CEP290: variants seen among roughly 807,000 people sequenced by gnomAD.
CEP290 encodes centrosomal protein of 290 kDa.
Under a neutral mutation model 344.9 loss-of-function variants are expected in CEP290, and 317 were observed. The observed-to-expected ratio is 0.92, with a 90% CI of 0.84 to 1.01. The LOEUF (loss-of-function observed/expected upper bound fraction) is 1.01. CEP290 is among the 50% of genes least tolerant of loss of function. The probability of loss-of-function intolerance (pLI) is 0.00; values close to 1 mark genes in which losing one functional copy is unlikely to be tolerated. For synonymous variants in CEP290, 932 were observed against 895.8 expected (o/e 1.04, Z -0.72); for missense variants, 2,754 against 2,761.4 (o/e 1.00, Z 0.06).
At chr12:88,103,921 C>G (rs896451031) in intron 25 of CEP290, 2 of 152,040 alleles carry the variant, frequency 1.3e-5, no homozygotes, top group African/African-American at 4.8e-5. Flanking sequence ...AGATGAGATT[C>G]TATTTCCCAT....
intron 41 of CEP290, among the ~76,000 whole-genome samples, chr12:88,072,626 C>G (rs2035466705): frequency 6.6e-6 from 1 of 152,112 alleles, no homozygotes; most frequent in Admixed American, 6.5e-5. Context: ...TACAAACGAC[C>G]AACCTCATCT....
rs2037999495 is a variant in CEP290, at chr12:88,102,883, T to A, written c.2946A>T (p.Lys982Asn). Residue 982 changes from lysine (K) to asparagine (N), a missense_variant, in exon 26 of 54, where the codon AAA (lysine) becomes AAT (asparagine). Physicochemically the swap from Lys to Asn is moderately conservative, Grantham distance 94. Coordinates refer to ENST00000552810, the MANE Select transcript of CEP290 (RefSeq NM_025114.4). ...TTGTTCTTTGAACAAGCATATTATC[T>A]TTTTGCAAGATGTCCCTGTACTTAG... ...LTAKYRDILQKDNMLVQRTSN... is the reference protein window; with the variant it reads ...LTAKYRDILQNDNMLVQRTSN... The A allele has an allele frequency of 6.2e-7, 1 of 1,611,322 alleles. No individual in the cohort carries two copies. Among genetic ancestry groups the A allele is most frequent in the Non-Finnish European group, 8.5e-7 (1 of 1,178,722 alleles).
At chr12:88,075,958 G>C (rs573443022) in intron 41 of CEP290, among the ~76,000 whole-genome samples, 1 of 152,238 alleles carries the variant, frequency 6.6e-6, no homozygotes, top group East Asian at 1.9e-4. Flanking sequence ...CTTTAAGGAG[G>C]AATAAACTGA....
intron 15 of CEP290, among the ~76,000 whole-genome samples, chr12:88,119,233 T>C (rs1265828132): frequency 2.0e-5 from 3 of 152,214 alleles, no homozygotes; most frequent in African/African-American, 7.2e-5. Context: ...CTTTAGATAA[T>C]AGTTTTTACA....
rs927217751 is a variant in CEP290, at chr12:88,141,185, T to C, written c.102+21A>G. 5 of 1,516,756 alleles carry C rather than the reference T, an allele frequency of 3.3e-6. No individual in the cohort carries two copies. In the African/African-American group the frequency reaches 5.6e-5, roughly 17 times the overall value. The allele number at this position is 1,516,756 out of a possible 1,614,324, so 94.0% of individuals were successfully genotyped here. A position where few individuals can be genotyped will look rare whatever the true frequency, so the allele number is the denominator to read the frequency against. ...ATCATAAGTTAATGTATATATCTAT[T>C]ATTATTGACCAATTAAGCACCTTGG... On this transcript the variant is annotated intron_variant, in intron 2 of 53. Coordinates refer to ENST00000552810, the MANE Select transcript of CEP290 (RefSeq NM_025114.4).
chr12:88,050,384 T>A lies in CEP290; in HGVS notation c.7179A>T (p.Lys2393Asn). 6.4e-7 allele frequency: 1 copy of A among 1,561,754 alleles called. No homozygotes were observed. The highest frequency in any genetic ancestry group is 8.8e-7 in the Non-Finnish European group (1 of 1,141,698). The change falls in exon 53 of 54, where the codon AAA becomes AAT. Residue 2393 changes from lysine (K) to asparagine (N), a missense_variant. Transcript: ENST00000552810. Reference protein sequence around the residue: ...EKIKDLETQLKMSDLEKQHLK... With the variant: ...EKIKDLETQLNMSDLEKQHLK... The stretch of plus-strand genomic sequence containing the variant: ...AATGCTGCTTTTCTAGATCTGACAT[T>A]TTGAGCTGTGTCTCTAGATCTTTTA...
In CEP290 at chr12:88,090,797, A is replaced by C. The variant is rs1565849296; in HGVS notation, c.3504T>G (p.Ile1168Met). Residue 1168 changes from isoleucine (I) to methionine (M), a missense_variant, in exon 30 of 54, where the codon ATT becomes ATG. By Grantham distance (10) the Ile-to-Met change is conservative (BLOSUM62 1). Coordinates refer to ENST00000552810, the MANE Select transcript of CEP290 (RefSeq NM_025114.4). ...CCCTAGATTGTTGTTGTGCATTCAA[A>C]ATTTCAACTTGTCTTCTGGCAATAT... ...ISDIARRQVE[I>M]LNAQQQSRDK... 1 of 1,561,452 alleles carries C rather than the reference A, an allele frequency of 6.4e-7. No individual in the cohort carries two copies. The highest frequency in any genetic ancestry group is 8.7e-7 in the Non-Finnish European group (1 of 1,150,922).
chr12:88,134,857 T>C (rs2040268657), intron 6 of CEP290, among the ~76,000 whole-genome samples: 1 of 152,212 alleles, frequency 6.6e-6, no homozygotes, highest in Non-Finnish European at 1.5e-5. Context: ...CTCTTACCTC[T>C]AGGTCTTAGC....
intron 41 of CEP290, among the ~76,000 whole-genome samples, chr12:88,072,571 C>T (rs55978118): frequency 0.049 from 7,503 of 152,220 alleles, 628 homozygotes; most frequent in African/African-American, 0.17. Context: ...AATGAAGATT[C>T]TAATACAATC....
intron 37 of CEP290, among the ~76,000 whole-genome samples, chr12:88,081,421 A>G (rs536034190): frequency 1.3e-5 from 2 of 152,332 alleles, no homozygotes; most frequent in South Asian, 2.1e-4. Context: ...AATTCAATTA[A>G]TCTTATTGCT....
rs759155873 is a variant in CEP290, at chr12:88,068,648, A to G, written c.6012-3T>C. The G allele has an allele frequency of 6.3e-7, 1 of 1,592,934 alleles. No individual in the cohort carries two copies. Among genetic ancestry groups the G allele is most frequent in the Non-Finnish European group, 8.5e-7 (1 of 1,173,122 alleles). On this transcript the variant is annotated splice_polypyrimidine_tract_variant and splice_region_variant and intron_variant, in intron 43 of 53. Transcript: ENST00000552810. ...CTCGAGGAAGAGCTTGGTGGGCCCT[A>G]TGAACAACAATCACAGACTCTTTAC... is the stretch of plus-strand genomic sequence containing the variant.
At chr12:88,105,616 C>T (rs549948462) in intron 25 of CEP290, among the ~76,000 whole-genome samples, 90 of 152,306 alleles carry the variant, frequency 5.9e-4, no homozygotes, top group African/African-American at 2.1e-3. Flanking sequence ...CAATCATCAG[C>T]AGATGCTAAA....
rs2036425750 is a variant in CEP290, at chr12:88,084,484, T to C, written c.4704+102A>G. The C allele has an allele frequency of 2.8e-6, 3 of 1,075,058 alleles. No homozygotes were observed. The Admixed American group carries it at 6.9e-5, about 25-fold the overall frequency. 66.6% of individuals were successfully genotyped at this position (1,075,058 alleles called of 1,614,324 possible). On this transcript the variant is annotated intron_variant, in intron 35 of 53. Coordinates refer to ENST00000552810, the MANE Select transcript of CEP290 (RefSeq NM_025114.4). ...AGTAACAATTCTTAAATAGAATCATTTGAAAGCAAGAAAAGAAATACCACT... is the reference window on the plus strand; with the variant it reads ...AGTAACAATTCTTAAATAGAATCATCTGAAAGCAAGAAAAGAAATACCACT...
At chr12:88,114,620 G>T (rs998605765) in intron 19 of CEP290, 58 bp from the exon 20 acceptor site, 1 of 1,316,934 alleles carries the variant, frequency 7.6e-7, no homozygotes, top group Non-Finnish European at 1.0e-6. Flanking sequence ...TTTACACTAT[G>T]CTATACAGAT....
chr12:88,106,620 C>T, intron 25 of CEP290, 55 bp downstream of exon 25: 2 of 1,138,832 alleles, frequency 1.8e-6, no homozygotes, highest in Middle Eastern at 4.0e-4. Flanking sequence ...ATCCTATCTT[C>T]TGCATATTTG....
chr12:88,120,162 T>A lies in CEP290; in HGVS notation c.1474A>T (p.Lys492Ter), dbSNP rs1278679056. Residue 492 changes from lysine (K) to a stop codon, truncating the protein, a stop_gained, in exon 15 of 54, where the codon AAG becomes TAG. Transcript: ENST00000552810. LOFTEE classifies it high-confidence loss of function. ...LTKEINKLEL[K>*]ISDFLDENEA... ...TTTTCATCAAGGAAATCACTGATCT[T>A]CAATTCAAGTTTATTGATTTCCTTT... The A allele has an allele frequency of 1.3e-6, 2 of 1,540,382 alleles. No individual in the cohort carries two copies. The highest frequency in any genetic ancestry group is 2.7e-5 in the African/African-American group (2 of 72,814).
intron 26 of CEP290, among the ~76,000 whole-genome samples, chr12:88,100,165 G>A (rs1002905261): frequency 6.6e-6 from 1 of 151,690 alleles, no homozygotes; most frequent in African/African-American, 2.4e-5. Context: ...AGCTACTCGG[G>A]AGACTGAAGC....
intron 44 of CEP290, among the ~76,000 whole-genome samples, chr12:88,064,630 A>G (rs908348014): frequency 1.3e-5 from 2 of 152,122 alleles, no homozygotes; most frequent in African/African-American, 4.8e-5. Flanking sequence ...AAAAGAGAAA[A>G]TTTGGGGATT....
intron 53 of CEP290, 131 bp downstream of exon 53, chr12:88,050,223 C>T: frequency 1.7e-6 from 1 of 578,402 alleles, no homozygotes; most frequent in Non-Finnish European, 3.0e-6. Context: ...ACATAATTAA[C>T]TTTGCAATAT....
Sources: gnomAD v4.1 joint callset for allele counts (sites outside exome capture counted in the v4.1 genomes callset) on GRCh38, gnomAD v4.1.1 for gene constraint, MANE v1.5 for transcripts, NCBI Gene and HGNC (gene_info 2026-07-23, HGNC 2026-07-21) for gene names.